UBR2: variants seen among roughly 807,000 people sequenced by gnomAD.
UBR2 encodes E3 ubiquitin-protein ligase UBR2.
In UBR2, 92 loss-of-function variants were observed where a neutral mutation model predicts 247.9. That is an observed-to-expected ratio of 0.37 (90% confidence interval 0.31 to 0.44). UBR2 has a LOEUF of 0.44. UBR2 is among the 20% of genes least tolerant of loss of function. The pLI is 1.00. For missense variants in UBR2, 1,613 were observed against 2,112.6 expected (o/e 0.76, Z 4.64); for synonymous variants, 672 against 693.5 (o/e 0.97, Z 0.49).
At chr6:42,573,156 T>A (rs369039780) in intron 1 of UBR2, among the ~76,000 whole-genome samples, 2 of 151,612 alleles carry the variant, frequency 1.3e-5, no homozygotes, top group African/African-American at 4.9e-5. Context: ...GGAAAAGGCC[T>A]TATAGAGAGA....
chr6:42,663,468 A>G (rs1346381936), intron 32 of UBR2, 49 bp downstream of exon 32: 1 of 1,511,844 alleles, frequency 6.6e-7, no homozygotes, highest in Admixed American at 2.1e-5. Flanking sequence ...TTTGCTTTGA[A>G]GATAATGAAA....
At chr6:42,657,469 T>C (rs924522462) in intron 26 of UBR2, among the ~76,000 whole-genome samples, 3 of 152,138 alleles carry the variant, frequency 2.0e-5, no homozygotes, top group Admixed American at 2.0e-4. Flanking sequence ...CTTCCCCTCT[T>C]AGGAAAAAGG....
chr6:42,564,421 T>G, intron 1 of UBR2, 24 bp downstream of exon 1: 23 of 1,602,106 alleles, frequency 1.4e-5, no homozygotes, highest in Non-Finnish European at 1.9e-5. Context: ...CCCGGGCGGG[T>G]GCGTCTGCCC....
intron 44 of UBR2, among the ~76,000 whole-genome samples, chr6:42,687,520 G>GTATTT (rs1161140983): frequency 2.8e-5 from 4 of 143,874 alleles, no homozygotes; most frequent in South Asian, 2.2e-4. Flanking sequence ...GCTGTATGTT[G>GTATTT]TATTTTATTT....
intron 34 of UBR2, among the ~76,000 whole-genome samples, chr6:42,669,437 A>C (rs898336853): frequency 6.6e-5 from 10 of 151,968 alleles, no homozygotes; most frequent in African/African-American, 2.4e-4. Context: ...TTCTTCTTTG[A>C]GGTAGTTCTG....
At chr6:42,660,971 TTTTG>T (rs750035164) in intron 30 of UBR2, among the ~76,000 whole-genome samples, 54 of 145,220 alleles carry the variant, frequency 3.7e-4, no homozygotes, top group African/African-American at 9.6e-4. Flanking sequence ...TGTGTGGTTT[TTTTG>T]TTTGTTTGTT....
At chr6:42,684,659 T>C (rs1799268272) in intron 43 of UBR2, 135 bp from the exon 44 acceptor site, 7 of 483,652 alleles carry the variant, frequency 1.4e-5, no homozygotes, top group Non-Finnish European at 2.1e-5. Context: ...CCATTTCTTG[T>C]CTTGGCAATA....
At chr6:42,598,008 T>G (rs1426851717) in intron 4 of UBR2, among the ~76,000 whole-genome samples, 1 of 152,196 alleles carries the variant, frequency 6.6e-6, no homozygotes, top group Admixed American at 6.5e-5. Context: ...TGAACATAAT[T>G]TTTTTGTCAT....
At chr6:42,672,756 TGTGA>T (rs1212890566) in intron 36 of UBR2, among the ~76,000 whole-genome samples, 1 of 152,194 alleles carries the variant, frequency 6.6e-6, no homozygotes, top group Non-Finnish European at 1.5e-5. Flanking sequence ...AACCATGTAC[TGTGA>T]GTTAGAGACC....
At chr6:42,607,482 A>G (rs1793776902) in intron 7 of UBR2, among the ~76,000 whole-genome samples, 1 of 151,890 alleles carries the variant, frequency 6.6e-6, no homozygotes, top group East Asian at 1.9e-4. Context: ...TTTTAAATAT[A>G]TAAAATAATA....
chr6:42,630,810 T>G (rs1562331678), intron 11 of UBR2, among the ~76,000 whole-genome samples: 1 of 151,988 alleles, frequency 6.6e-6, no homozygotes, highest in East Asian at 1.9e-4. Flanking sequence ...TTATTTGGGG[T>G]TTTTTTGTTT....
chr6:42,636,236 G>A (rs915869453), intron 14 of UBR2, among the ~76,000 whole-genome samples: 1 of 148,332 alleles, frequency 6.7e-6, no homozygotes, highest in Non-Finnish European at 1.5e-5. Context: ...AGAGTGCAGT[G>A]GTGCAATCCC....
intron 2 of UBR2, among the ~76,000 whole-genome samples, chr6:42,582,846 TTTTTTTCTTTTTAAAATTAAA>T (rs1189447161): frequency 1.3e-5 from 2 of 152,128 alleles, no homozygotes; most frequent in Admixed American, 1.3e-4. Context: ...ATTATAGTTC[TTTTTTTCTTTTTAAAATTAAA>T]AAAAAAGTCA....
intron 36 of UBR2, 93 bp from the exon 37 acceptor site, chr6:42,673,698 T>C: frequency 1.2e-6 from 1 of 817,146 alleles, no homozygotes; most frequent in Non-Finnish European, 2.1e-6. Flanking sequence ...TAGAGCAGTT[T>C]CATTGTGCAT....
intron 20 of UBR2, 96 bp from the exon 21 acceptor site, chr6:42,645,370 G>T: frequency 8.4e-7 from 1 of 1,193,614 alleles, no homozygotes; most frequent in South Asian, 1.4e-5. Flanking sequence ...GACAGACTTA[G>T]AGAAATATAA....
chr6:42,658,284 T>A lies in UBR2; in HGVS notation c.3027T>A (p.Ser1009Arg), dbSNP rs143463594. Reference protein sequence around the residue: ...VKKMRESSPTSPVAETEGTIM... With the variant: ...VKKMRESSPTRPVAETEGTIM... ...AGATGAGGGAGAGTTCACCTACCAG[T>A]CCCGTGGCAGAGACAGAAGGAACCA... Residue 1009 changes from serine (S) to arginine (R), a missense_variant, in exon 28 of 47, where the codon AGT becomes AGA. Around this residue, in one of 3 missense-constraint regions of UBR2, gnomAD observed 1,524 missense variants for 1,967.3 expected, o/e 0.77. Coordinates refer to ENST00000372901, the MANE Select transcript of UBR2 (RefSeq NM_001363705.2). 6.2e-7 allele frequency: 1 copy of A among 1,613,694 alleles called. No individual in the cohort carries two copies. Among genetic ancestry groups the A allele is most frequent in the African/African-American group, 1.3e-5 (1 of 74,828 alleles).
chr6:42,636,174 T>G (rs1230364109), intron 14 of UBR2, among the ~76,000 whole-genome samples: 4 of 67,372 alleles, frequency 5.9e-5, no homozygotes, highest in African/African-American at 1.1e-4. Flanking sequence ...ATGGTTGTTT[T>G]TTTTTTTGTT....
chr6:42,658,090 C>T lies in UBR2; in HGVS notation c.2939C>T (p.Pro980Leu), dbSNP rs1582664871. The T allele has an allele frequency of 2.5e-6, 4 of 1,613,996 alleles. No homozygotes were observed. The highest frequency in any genetic ancestry group is 3.4e-6 in the Non-Finnish European group (4 of 1,179,966). Residue 980 changes from proline to leucine, a missense_variant, in exon 27 of 47, where the codon CCC becomes CTC. Transcript: ENST00000372901. ...LAMLETLQNA[P>L]YLEVHKDMIR... The stretch of plus-strand genomic sequence containing the variant: ...ATGCTGGAAACACTACAAAATGCTC[C>T]CTACCTAGAAGTCCACAAAGACATG...
chr6:42,634,030 A>G (rs1287784027), intron 13 of UBR2, among the ~76,000 whole-genome samples: 1 of 152,040 alleles, frequency 6.6e-6, no homozygotes, highest in African/African-American at 2.4e-5. Context: ...TGCGCCAGCC[A>G]CTTTTATATT....
Sources: allele counts gnomAD v4.1 joint callset (sites outside exome capture counted in the v4.1 genomes callset), GRCh38; gene constraint gnomAD v4.1.1; regional missense constraint gnomAD v4.1.1; transcripts MANE v1.5; gene names NCBI Gene and HGNC (gene_info 2026-07-23, HGNC 2026-07-21).